Variants in TGS1 observed in about 807,000 individuals in gnomAD.
TGS1 encodes the protein trimethylguanosine synthase.
In TGS1, 69 loss-of-function variants were observed where a neutral mutation model predicts 92.2. The ratio of observed to expected loss-of-function variants is 0.75; its 90% confidence interval spans 0.62 to 0.91. The LOEUF (loss-of-function observed/expected upper bound fraction) is 0.91, where lower values mean the gene tolerates loss of function less well. Among genes scored for constraint, TGS1 ranks in the 40% least tolerant of loss-of-function variants. The pLI is 0.00. For synonymous variants in TGS1, 345 were observed against 338.1 expected (o/e 1.02, Z -0.22); for missense variants, 1,062 against 1,001.2 (o/e 1.06, Z -0.82).
chr8:55,801,119 T>C (rs1354576773), intron 8 of TGS1, among the ~76,000 whole-genome samples: 1 of 152,210 alleles, frequency 6.6e-6, no homozygotes, highest in Non-Finnish European at 1.5e-5. Context: ...TAGTCCTTGA[T>C]AGAAAGGAAA....
intron 4 of TGS1, 64 bp from the exon 5 acceptor site, chr8:55,790,118 G>T: frequency 1.7e-6 from 2 of 1,175,230 alleles, no homozygotes; most frequent in Non-Finnish European, 2.5e-6. Context: ...CATTGGCTTT[G>T]CAAATAGCAG....
In TGS1 at chr8:55,799,099, A is replaced by G. The variant is rs749976147; in HGVS notation, c.1728A>G (p.Val576=). 1.5e-5 allele frequency: 24 copies of G among 1,614,082 alleles called. No homozygotes were observed. The African/African-American group carries it at 1.7e-4, about 12-fold the overall frequency. The change falls in exon 8 of 13, where the codon GTA becomes GTG. Residue 576 remains valine (V), a synonymous_variant. Coordinates refer to ENST00000260129, the MANE Select transcript of TGS1 (RefSeq NM_024831.8). The stretch of plus-strand genomic sequence containing the variant: ...CAGAACCTGAAAAGTGTCAGAGCGT[A>G]TCTTCAGCTGGTGAACTTGAAACAG... ...NNPEPEKCQS[V]SSAGELETEN...
chr8:55,792,321 TC>T (rs1348898566), intron 5 of TGS1, among the ~76,000 whole-genome samples: 1 of 152,220 alleles, frequency 6.6e-6, no homozygotes, highest in Non-Finnish European at 1.5e-5. Flanking sequence ...ATCAAACGTT[TC>T]CTTGTTTGTT....
chr8:55,809,053 CATGTGTGCTT>C (rs1298436463), intron 10 of TGS1, among the ~76,000 whole-genome samples: 2 of 152,174 alleles, frequency 1.3e-5, no homozygotes, highest in Non-Finnish European at 2.9e-5. Context: ...AATGTATGTT[CATGTGTGCTT>C]ATATACACAT....
chr8:55,806,620 C>G (rs1376473118), intron 10 of TGS1, among the ~76,000 whole-genome samples: 1 of 152,028 alleles, frequency 6.6e-6, no homozygotes, highest in Non-Finnish European at 1.5e-5. Context: ...TTTTTGACTT[C>G]ACAAGAGATC....
intron 10 of TGS1, among the ~76,000 whole-genome samples, chr8:55,809,431 C>T (rs1208721601): frequency 6.6e-6 from 1 of 150,828 alleles, no homozygotes; most frequent in Non-Finnish European, 1.5e-5. Flanking sequence ...GCTAGTGTGG[C>T]TGAGGATTAA....
At chr8:55,814,834 TAA>T (rs1554564865) in intron 12 of TGS1, among the ~76,000 whole-genome samples, 2 of 127,998 alleles carry the variant, frequency 1.6e-5, no homozygotes, top group Non-Finnish European at 1.7e-5. Flanking sequence ...TGAGACTGTC[TAA>T]AAAAAAAAAG....
intron 1 of TGS1, among the ~76,000 whole-genome samples, chr8:55,777,426 C>A (rs1021866169): frequency 2.0e-5 from 3 of 152,104 alleles, no homozygotes; most frequent in Non-Finnish European, 4.4e-5. Flanking sequence ...TGGATGTCTC[C>A]CCTTAGTAAT....
chr8:55,812,616 G>A (rs1469807257), intron 11 of TGS1, among the ~76,000 whole-genome samples: 1 of 151,938 alleles, frequency 6.6e-6, no homozygotes, highest in Non-Finnish European at 1.5e-5. Flanking sequence ...GAACCCAGGA[G>A]GAGGTTGCAG....
At chr8:55,808,430 G>A (rs761042647) in intron 10 of TGS1, among the ~76,000 whole-genome samples, 1 of 151,838 alleles carries the variant, frequency 6.6e-6, no homozygotes, top group Admixed American at 6.6e-5. Flanking sequence ...CCCTGATAAA[G>A]TAGCAAAGAA....
intron 10 of TGS1, 87 bp downstream of exon 10, chr8:55,805,123 A>G: frequency 1.1e-6 from 1 of 937,390 alleles, no homozygotes; most frequent in Admixed American, 2.7e-5. Flanking sequence ...TCTTACTGAG[A>G]TTTAATATAT....
intron 8 of TGS1, among the ~76,000 whole-genome samples, chr8:55,801,582 C>CCTTTT (rs1214681045): frequency 2.1e-5 from 1 of 48,216 alleles, no homozygotes; most frequent in African/African-American, 9.4e-5. Context: ...CCCCATCGTT[C>CCTTTT]TTTTTTTTTT....
rs1373981425 is a variant in TGS1 at position 55,773,725 on chromosome 8, T to C, written c.101+6T>C. On this transcript the variant is annotated splice_donor_region_variant and intron_variant, in intron 1 of 12. Transcript: ENST00000260129. ...TGCTCCAGGGCATTTGTGGAGTAAGTAGAAAAGAGAATCTCTTCATGTTCT... is the reference window on the plus strand; with the variant it reads ...TGCTCCAGGGCATTTGTGGAGTAAGCAGAAAAGAGAATCTCTTCATGTTCT... 6.2e-7 allele frequency: 1 copy of C among 1,601,060 alleles called. No homozygotes were observed. The highest frequency in any genetic ancestry group is 1.7e-5 in the Admixed American group (1 of 59,420).
chr8:55,818,274 C>G (rs1411185596), intron 12 of TGS1, among the ~76,000 whole-genome samples: 1 of 152,142 alleles, frequency 6.6e-6, no homozygotes, highest in Non-Finnish European at 1.5e-5. Flanking sequence ...CAGACTGAAA[C>G]AATTCTCCCA....
chr8:55,781,289 TC>T (rs1434134816), intron 1 of TGS1, among the ~76,000 whole-genome samples: 5 of 152,306 alleles, frequency 3.3e-5, no homozygotes, highest in African/African-American at 9.6e-5. Flanking sequence ...GAGGGTTCTT[TC>T]TAGCCTTCCT....
At chr8:55,786,164 A>G in intron 3 of TGS1, 74 bp from the exon 4 acceptor site, 1 of 910,158 alleles carries the variant, frequency 1.1e-6, no homozygotes, top group Non-Finnish European at 1.6e-6. Context: ...TTTAATGTCA[A>G]AATAGACTTG....
At chr8:55,806,180 A>AC (rs759989532) in intron 10 of TGS1, among the ~76,000 whole-genome samples, 24 of 149,594 alleles carry the variant, frequency 1.6e-4, no homozygotes, top group Non-Finnish European at 3.1e-4. Flanking sequence ...ACATGGAGAG[A>AC]CCCCGTCTCT....
At chr8:55,789,617 G>T (rs1016229900) in intron 4 of TGS1, among the ~76,000 whole-genome samples, 1 of 152,160 alleles carries the variant, frequency 6.6e-6, no homozygotes, top group Admixed American at 6.5e-5. Flanking sequence ...ATTTAATAGA[G>T]TTTAACTGAG....
At chr8:55,817,572 TAATA>T (rs1238025656) in intron 12 of TGS1, among the ~76,000 whole-genome samples, 1 of 152,224 alleles carries the variant, frequency 6.6e-6, no homozygotes, top group Non-Finnish European at 1.5e-5. Flanking sequence ...TCTGTGTATT[TAATA>T]AATAGAAGAT....
Sources: allele counts gnomAD v4.1 joint callset (sites outside exome capture counted in the v4.1 genomes callset), GRCh38; gene constraint gnomAD v4.1.1; transcripts MANE v1.5; gene names NCBI Gene and HGNC (gene_info 2026-07-23, HGNC 2026-07-21).